The following DNAJC7 variants were observed in gnomAD, a reference collection of about 807,000 sequenced individuals.
DNAJC7 encodes DnaJ heat shock protein family (Hsp40) member C7, also known as dnaJ homolog subfamily C member 7.
DNAJC7 carries 18 observed loss-of-function variants against 67.4 expected under a neutral mutation model. The observed-to-expected ratio is 0.27, with a 90% CI of 0.18 to 0.40. DNAJC7 has a LOEUF of 0.40. DNAJC7 is among the 10% of genes least tolerant of loss of function. The pLI is 1.00. For synonymous variants in DNAJC7, 220 were observed against 207.8 expected (o/e 1.06, Z -0.50); for missense variants, 419 against 613.8 (o/e 0.68, Z 3.35).
At chr17:41,994,208 T>C (rs1209400155) in intron 5 of DNAJC7, among the ~76,000 whole-genome samples, 8 of 151,642 alleles carry the variant, frequency 5.3e-5, no homozygotes, top group Non-Finnish European at 7.4e-5. Context: ...TGGTGGCGCA[T>C]GCCTATAATC....
intron 4 of DNAJC7, among the ~76,000 whole-genome samples, chr17:41,995,983 T>A (rs2051646756): frequency 6.6e-6 from 1 of 152,142 alleles, no homozygotes. Context: ...ATGTAAAAAA[T>A]TTTTTTGTGG....
At chr17:41,997,745 A>G (rs1269122300) in intron 2 of DNAJC7, among the ~76,000 whole-genome samples, 2 of 152,228 alleles carry the variant, frequency 1.3e-5, no homozygotes, top group East Asian at 3.8e-4. Context: ...CTGTGGTGCT[A>G]TCTCGGCTCA....
At position 41,982,406 on chromosome 17, in the gene DNAJC7, A is replaced by G. The variant is rs2051273248; in HGVS notation, c.1085-5T>C. 1 of 1,613,764 alleles carries G rather than the reference A, an allele frequency of 6.2e-7. No individual in the cohort carries two copies. Among genetic ancestry groups the G allele is most frequent in the Non-Finnish European group, 8.5e-7 (1 of 1,179,752 alleles). On this transcript the variant is annotated splice_region_variant and splice_polypyrimidine_tract_variant and intron_variant, in intron 10 of 13. Transcript: ENST00000457167. Reference sequence around the variant, plus strand: ...TTTTTAGGAGCTGTTTGTGTTCTACAGGAAGACATCTGGCATCAGTGGACA... The same window carrying G: ...TTTTTAGGAGCTGTTTGTGTTCTACGGGAAGACATCTGGCATCAGTGGACA...
chr17:41,991,371 C>G (rs2051506906), intron 5 of DNAJC7, among the ~76,000 whole-genome samples: 1 of 152,090 alleles, frequency 6.6e-6, no homozygotes, highest in African/African-American at 2.4e-5. Context: ...CATGGACATT[C>G]ATATAATGGA....
intron 9 of DNAJC7, 64 bp from the exon 10 acceptor site, chr17:41,983,700 TCTAGG>T: frequency 6.9e-7 from 1 of 1,455,640 alleles, no homozygotes; most frequent in Non-Finnish European, 9.4e-7. Flanking sequence ...TCAGGATCAC[TCTAGG>T]GCAAGAGGCA....
At chr17:41,997,261 G>A (rs374401104) in intron 2 of DNAJC7, 22 bp from the exon 3 acceptor site, 148 of 1,609,244 alleles carry the variant, frequency 9.2e-5, no homozygotes, top group Non-Finnish European at 1.1e-4. Flanking sequence ...GCAGAAGAAC[G>A]TAAAACAAAG....
intron 1 of DNAJC7, chr17:42,016,211 T>C (rs1555651876): frequency 6.6e-6 from 1 of 152,198 alleles, no homozygotes; most frequent in African/African-American, 2.4e-5. Flanking sequence ...TCAAGCTTGA[T>C]AACTATTCAT....
Position 41,976,533 on chromosome 17 carries a change from G to T in DNAJC7, c.*200C>A. ...ACAAGCTGCCTCCCTGTCCACCCCC[G>T]CCTCCCTCCCCTGCCCTCGGTCTTC... is the stretch of plus-strand genomic sequence containing the variant. On this transcript the variant is annotated 3_prime_UTR_variant, in exon 14 of 14. Transcript: ENST00000457167. 5.1e-6 allele frequency: 2 copies of T among 388,438 alleles called. No individual in the cohort carries two copies. The highest frequency in any genetic ancestry group is 4.6e-6 in the Non-Finnish European group (1 of 219,570). 24.1% of individuals were successfully genotyped at this position (388,438 alleles called of 1,614,324 possible).
At chr17:41,981,313 C>T (rs574390996) in intron 12 of DNAJC7, among the ~76,000 whole-genome samples, 4 of 152,166 alleles carry the variant, frequency 2.6e-5, no homozygotes, top group Non-Finnish European at 2.9e-5. Context: ...TCTCATGCCT[C>T]GGCCTCCCGA....
chr17:41,997,299 T>C, intron 2 of DNAJC7, 60 bp from the exon 3 acceptor site: 1 of 1,572,022 alleles, frequency 6.4e-7, no homozygotes, highest in East Asian at 2.3e-5. Context: ...CTTTGAAAAC[T>C]TAGAGGGGGC....
chr17:42,015,416 A>G (rs2052240274), intron 1 of DNAJC7: 1 of 152,188 alleles, frequency 6.6e-6, no homozygotes, highest in Admixed American at 6.5e-5. Flanking sequence ...CATTTACTCC[A>G]ATTTTATGAT....
chr17:41,990,735 T>C (rs2051492665), intron 5 of DNAJC7, among the ~76,000 whole-genome samples: 1 of 151,888 alleles, frequency 6.6e-6, no homozygotes, highest in Non-Finnish European at 1.5e-5. Flanking sequence ...GGCAGGATCT[T>C]GGCTCACTGC....
intron 13 of DNAJC7, 79 bp from the exon 14 acceptor site, chr17:41,976,849 T>C (rs2051095389): frequency 1.9e-6 from 3 of 1,544,196 alleles, no homozygotes; most frequent in Non-Finnish European, 2.6e-6. Flanking sequence ...TGGAAAAGTC[T>C]TCAAGGGCTG....
At chr17:41,992,666 TCGTCAGTGCTTCACTTCCCAC>T (rs1555647945) in intron 5 of DNAJC7, 1 of 152,134 alleles carries the variant, frequency 6.6e-6, no homozygotes, top group African/African-American at 2.4e-5. Context: ...ATCATGGGGA[TCGTCAGTGCTTCACTTCCCAC>T]CCCCCAACCT....
intron 1 of DNAJC7, among the ~76,000 whole-genome samples, chr17:42,003,204 TG>T (rs2051855539): frequency 6.6e-6 from 1 of 152,252 alleles, no homozygotes; most frequent in Admixed American, 6.5e-5. Flanking sequence ...GAAACGTGGC[TG>T]ATTAACAGCT....
At chr17:42,002,203 TCAAA>T (rs781972221) in intron 1 of DNAJC7, among the ~76,000 whole-genome samples, 4 of 152,182 alleles carry the variant, frequency 2.6e-5, no homozygotes, top group Non-Finnish European at 5.9e-5. Context: ...TTTCGATTAG[TCAAA>T]CTGCTGTGAA....
chr17:41,990,205 G>T, intron 6 of DNAJC7, 59 bp downstream of exon 6: 1 of 1,467,108 alleles, frequency 6.8e-7, no homozygotes, highest in Non-Finnish European at 9.3e-7. Flanking sequence ...TGAAGCTGCC[G>T]GACACCATCA....
intron 1 of DNAJC7, among the ~76,000 whole-genome samples, chr17:42,009,215 G>C (rs1221941161): frequency 6.6e-6 from 1 of 152,124 alleles, no homozygotes; most frequent in African/African-American, 2.4e-5. Flanking sequence ...ACACATCTCC[G>C]CTAATAAAGA....
intron 1 of DNAJC7, among the ~76,000 whole-genome samples, chr17:42,002,387 C>T (rs922614978): frequency 4.6e-5 from 7 of 152,130 alleles, no homozygotes; most frequent in Non-Finnish European, 1.0e-4. Context: ...GCTTGTTAGT[C>T]GAAAGTGAAA....
Sources: allele counts gnomAD v4.1 joint callset (sites outside exome capture counted in the v4.1 genomes callset), GRCh38; gene constraint gnomAD v4.1.1; transcripts MANE v1.5; gene names NCBI Gene and HGNC (gene_info 2026-07-23, HGNC 2026-07-21).